The following CREB5 variants were observed in gnomAD, a reference collection of about 807,000 sequenced individuals.
The protein encoded by CREB5 is cyclic AMP-responsive element-binding protein 5.
CREB5 carries 19 observed loss-of-function variants against 57.1 expected under a neutral mutation model. The observed-to-expected ratio is 0.33, with a 90% CI of 0.23 to 0.49. CREB5 has a LOEUF of 0.49. CREB5 is among the 20% of genes least tolerant of loss of function. The probability of loss-of-function intolerance (pLI) is 0.99; values close to 1 mark genes in which losing one functional copy is unlikely to be tolerated. For missense variants in CREB5, 579 were observed against 671.6 expected (o/e 0.86, Z 1.52); for synonymous variants, 238 against 238.3 (o/e 1.00, Z 0.01).
At chr7:28,666,101 G>A (rs550719195) in intron 5 of CREB5, among the ~76,000 whole-genome samples, 36 of 152,190 alleles carry the variant, frequency 2.4e-4, no homozygotes, top group African/African-American at 8.7e-4. Context: ...GTTATAAGGA[G>A]CGATTGCCAA....
intron 1 of CREB5, among the ~76,000 whole-genome samples, chr7:28,360,315 C>T (rs151159570): frequency 5.9e-5 from 9 of 152,238 alleles, no homozygotes; most frequent in African/African-American, 2.2e-4. Context: ...ATACAATCAA[C>T]CTAAGTTTAC....
chr7:28,596,477 T>C (rs548999668), intron 5 of CREB5, among the ~76,000 whole-genome samples: 1 of 152,368 alleles, frequency 6.6e-6, no homozygotes, highest in South Asian at 2.1e-4. Flanking sequence ...CTGAGAAGCA[T>C]CTCAATTGCT....
intron 1 of CREB5, among the ~76,000 whole-genome samples, chr7:28,334,484 A>T (rs894848557): frequency 6.6e-6 from 1 of 152,072 alleles, no homozygotes; most frequent in Admixed American, 6.6e-5. Flanking sequence ...GCTGTTTGCC[A>T]TTTGTATGTC....
intron 5 of CREB5, among the ~76,000 whole-genome samples, chr7:28,599,597 T>C (rs546677850): frequency 2.0e-5 from 3 of 152,300 alleles, no homozygotes; most frequent in South Asian, 2.1e-4. Flanking sequence ...CCGGAAACCA[T>C]GCGCCCCTAT....
intron 1 of CREB5, among the ~76,000 whole-genome samples, chr7:28,429,838 G>A (rs1437086030): frequency 6.6e-6 from 1 of 152,174 alleles, no homozygotes; most frequent in African/African-American, 2.4e-5. Context: ...GTTTATCAAG[G>A]TGCTGGGGGC....
At chr7:28,697,720 C>T (rs1801648498) in intron 5 of CREB5, among the ~76,000 whole-genome samples, 2 of 152,194 alleles carry the variant, frequency 1.3e-5, no homozygotes. Context: ...GTAGGACCAT[C>T]GTTCTTTTCT....
chr7:28,686,983 G>A (rs1017682204), intron 5 of CREB5, among the ~76,000 whole-genome samples: 1 of 152,022 alleles, frequency 6.6e-6, no homozygotes, highest in Non-Finnish European at 1.5e-5. Context: ...GTTGGTTGGG[G>A]GGTTGGGGGG....
intron 4 of CREB5, among the ~76,000 whole-genome samples, chr7:28,564,007 T>C (rs1161773406): frequency 3.3e-5 from 5 of 152,192 alleles, no homozygotes; most frequent in Non-Finnish European, 5.9e-5. Flanking sequence ...GAGCACCAAA[T>C]GGAGGAATCA....
rs534305069 is a variant in CREB5, at chr7:28,651,794, C to A, written c.465-66959C>A. Among the ~76,000 whole-genome samples, 41 of 152,140 alleles carry A rather than the reference C, an allele frequency of 2.7e-4. 2 individuals carry two copies. The highest frequency in any genetic ancestry group is 9.6e-4 in the African/African-American group (40 of 41,512). ...TTTTGATTTTAATTTTAATTTTATT[C>A]TTTTATTGGAAGTGCTACACCTGTC... is the stretch of plus-strand genomic sequence containing the variant. On this transcript the variant is annotated intron_variant, in intron 5 of 10. Coordinates refer to ENST00000357727, the MANE Select transcript of CREB5 (RefSeq NM_182898.4).
chr7:28,696,964 C>T lies in CREB5; in HGVS notation c.465-21789C>T, dbSNP rs1194267692. Among the ~76,000 whole-genome samples the T allele has an allele frequency of 2.6e-5, 4 of 151,176 alleles. No homozygotes were observed. The South Asian group carries it at 6.2e-4, about 24-fold the overall frequency. On this transcript the variant is annotated intron_variant, in intron 5 of 10. Transcript: ENST00000357727. The stretch of plus-strand genomic sequence containing the variant: ...TATGTGTGTATATGTGTTATACACA[C>T]ATATATATATTTGTGTGTATATATA...
At chr7:28,527,452 C>T (rs1454680131) in intron 4 of CREB5, among the ~76,000 whole-genome samples, 5 of 152,184 alleles carry the variant, frequency 3.3e-5, no homozygotes, top group Admixed American at 3.3e-4. Flanking sequence ...CTCTGTCCAG[C>T]CTGTGGCAAG....
chr7:28,307,756 G>A (rs1785214236), intron 1 of CREB5, among the ~76,000 whole-genome samples: 1 of 152,224 alleles, frequency 6.6e-6, no homozygotes, highest in African/African-American at 2.4e-5. Context: ...GGGTCCCAGA[G>A]GTTCAACTGT....
intron 4 of CREB5, among the ~76,000 whole-genome samples, chr7:28,530,654 C>G (rs1793686348): frequency 6.6e-6 from 1 of 152,216 alleles, no homozygotes; most frequent in Admixed American, 6.5e-5. Context: ...CTGAAGAAAA[C>G]TTTACCCTGG....
intron 1 of CREB5, among the ~76,000 whole-genome samples, chr7:28,361,001 G>A (rs570374490): frequency 6.6e-6 from 1 of 152,082 alleles, no homozygotes; most frequent in African/African-American, 2.4e-5. Flanking sequence ...GGCCAGGGAT[G>A]CTGCTGAACA....
intron 1 of CREB5, among the ~76,000 whole-genome samples, chr7:28,330,439 C>G (rs6978238): frequency 8.2e-6 from 1 of 122,380 alleles, no homozygotes; most frequent in South Asian, 2.7e-4. Context: ...TAGTTTGCAT[C>G]GTCAGAGGAA....
intron 4 of CREB5, among the ~76,000 whole-genome samples, chr7:28,560,487 A>G (rs1229770044): frequency 6.6e-6 from 1 of 152,078 alleles, no homozygotes; most frequent in Non-Finnish European, 1.5e-5. Context: ...AATTAATTGG[A>G]GAACAGGGTC....
At chr7:28,578,222 A>G (rs1795979080) in intron 5 of CREB5, among the ~76,000 whole-genome samples, 1 of 152,202 alleles carries the variant, frequency 6.6e-6, no homozygotes, top group African/African-American at 2.4e-5. Flanking sequence ...ACGCAAACTG[A>G]AAAAATTAGC....
In CREB5 at chr7:28,488,236, G is replaced by A; in HGVS notation, c.65G>A (p.Gly22Asp). ...AGGCCGTTTGTCTGCAGTGCCCCAG[G>A]CTGCTCCCAGGTGAGTGTGCGGATC... ...QERPFVCSAPGCSQRFPTEDH... is the reference protein window; with the variant it reads ...QERPFVCSAPDCSQRFPTEDH... The change falls in exon 2 of 11, where the codon GGC (glycine) becomes GAC (aspartate). Residue 22 changes from glycine to aspartate, a missense_variant. This residue lies in a region of CREB5 where 459 missense variants were observed against 515.7 expected (regional missense o/e 0.89). Transcript: ENST00000357727. 1 of 1,613,732 alleles carries A rather than the reference G, an allele frequency of 6.2e-7. No homozygotes were observed. The highest frequency in any genetic ancestry group is 8.5e-7 in the Non-Finnish European group (1 of 1,179,814).
chr7:28,788,870 C>G (rs1175988827), intron 7 of CREB5, among the ~76,000 whole-genome samples: 1 of 151,758 alleles, frequency 6.6e-6, no homozygotes, highest in Non-Finnish European at 1.5e-5. Flanking sequence ...AATGACGAGC[C>G]TCAGTACATC....
Sources: allele counts gnomAD v4.1 joint callset (sites outside exome capture counted in the v4.1 genomes callset), GRCh38; gene constraint gnomAD v4.1.1; regional missense constraint gnomAD v4.1.1; transcripts MANE v1.5; gene names NCBI Gene and HGNC (gene_info 2026-07-23, HGNC 2026-07-21).